The following DPYD variants were observed in gnomAD, a reference collection of about 807,000 sequenced individuals.
The protein encoded by DPYD is dihydropyrimidine dehydrogenase [NADP(+)].
Under a neutral mutation model 116.2 loss-of-function variants are expected in DPYD, and 109 were observed. The observed-to-expected ratio is 0.94, with a 90% CI of 0.80 to 1.10. DPYD has a LOEUF of 1.10. Ranked by LOEUF, DPYD falls within the 50% of genes least tolerant of loss-of-function variation. DPYD has a pLI of 0.00. For missense variants in DPYD, 1,302 were observed against 1,254.5 expected (o/e 1.04, Z -0.57); for synonymous variants, 440 against 432.0 (o/e 1.02, Z -0.23).
At chr1:97,516,887 G>C (rs1026650392) in intron 12 of DPYD, among the ~76,000 whole-genome samples, 2 of 151,954 alleles carry the variant, frequency 1.3e-5, no homozygotes, top group Non-Finnish European at 2.9e-5. Flanking sequence ...AATATAAAAA[G>C]GATGAATTTT....
At chr1:97,710,695 C>A (rs1038857080) in intron 5 of DPYD, among the ~76,000 whole-genome samples, 1 of 151,260 alleles carries the variant, frequency 6.6e-6, no homozygotes, top group African/African-American at 2.4e-5. Flanking sequence ...TGTTTAGGTA[C>A]CTCCTATGTC....
intron 8 of DPYD, among the ~76,000 whole-genome samples, chr1:97,641,570 CAAT>C (rs1227868937): frequency 1.3e-5 from 2 of 152,092 alleles, no homozygotes; most frequent in Non-Finnish European, 2.9e-5. Context: ...TAAAAACTCT[CAAT>C]AACCTAGGTA....
intron 16 of DPYD, among the ~76,000 whole-genome samples, chr1:97,308,014 C>A (rs928257087): frequency 2.0e-5 from 3 of 151,824 alleles, no homozygotes; most frequent in Admixed American, 6.6e-5. Context: ...ATAAGAATTA[C>A]TGAAACAAAT....
chr1:97,912,756 C>A lies in DPYD; in HGVS notation c.39+8128G>T, dbSNP rs186905618. On this transcript the variant is annotated intron_variant, in intron 1 of 22. Transcript: ENST00000370192. ...GAACATTTTGTGGTGAACGGTAACA[C>A]ACGTTACCCCTAGAGATCTGTAAGG... 1.2e-3 allele frequency among the ~76,000 whole-genome samples: 185 copies of A among 152,164 alleles called. No homozygotes were observed. In the Middle Eastern group the frequency reaches 0.024, roughly 20 times the overall value.
At chr1:97,751,429 CGTGTGTGT>C (rs564067118) in intron 3 of DPYD, among the ~76,000 whole-genome samples, 90 of 53,044 alleles carry the variant, frequency 1.7e-3, no homozygotes, top group African/African-American at 6.5e-3. Flanking sequence ...TATATGTATA[CGTGTGTGT>C]GTGTGTGTGT....
At chr1:97,398,654 G>A (rs1439736140) in intron 14 of DPYD, among the ~76,000 whole-genome samples, 1 of 152,130 alleles carries the variant, frequency 6.6e-6, no homozygotes, top group Admixed American at 6.5e-5. Flanking sequence ...GGTGTGAGAT[G>A]GTATCTCATT....
chr1:97,226,232 G>C (rs1465201349), intron 19 of DPYD, among the ~76,000 whole-genome samples: 1 of 152,064 alleles, frequency 6.6e-6, no homozygotes, highest in East Asian at 1.9e-4. Context: ...TACAGGGAAT[G>C]TACTTCAGTA....
intron 8 of DPYD, among the ~76,000 whole-genome samples, chr1:97,633,454 A>G (rs1657389224): frequency 6.6e-6 from 1 of 152,098 alleles, no homozygotes. Flanking sequence ...ACTTTATTTT[A>G]AAATGGGAAC....
At chr1:97,203,563 G>C (rs191061253) in intron 19 of DPYD, among the ~76,000 whole-genome samples, 1,581 of 148,824 alleles carry the variant, frequency 0.011, 29 homozygotes, top group African/African-American at 0.037. Flanking sequence ...CACCAGCATG[G>C]CACATGTATA....
At chr1:97,281,334 G>A (rs1403650712) in intron 18 of DPYD, among the ~76,000 whole-genome samples, 1 of 151,746 alleles carries the variant, frequency 6.6e-6, no homozygotes, top group African/African-American at 2.4e-5. Flanking sequence ...AATCCAGGTT[G>A]TGAAAACCAG....
intron 3 of DPYD, among the ~76,000 whole-genome samples, chr1:97,826,086 C>A (rs1669231435): frequency 6.6e-6 from 1 of 152,078 alleles, no homozygotes. Flanking sequence ...ACATTTCATG[C>A]CATAAAATTA....
chr1:97,227,985 T>C (rs1008671825), intron 19 of DPYD, among the ~76,000 whole-genome samples: 13 of 151,980 alleles, frequency 8.6e-5, no homozygotes, highest in Middle Eastern at 3.2e-3. Context: ...TTTACAACCA[T>C]CATTTTTTAA....
chr1:97,582,444 G>A (rs1389131341), intron 10 of DPYD, among the ~76,000 whole-genome samples: 3 of 152,120 alleles, frequency 2.0e-5, no homozygotes, highest in Admixed American at 6.5e-5. Context: ...CATGAAGGAG[G>A]GTAAAGGAAG....
chr1:97,117,717 A>G (rs1202048042), intron 20 of DPYD, among the ~76,000 whole-genome samples: 1 of 152,196 alleles, frequency 6.6e-6, no homozygotes, highest in Non-Finnish European at 1.5e-5. Flanking sequence ...TTAGTATTAA[A>G]GTTGGTCAAG....
intron 5 of DPYD, chr1:97,720,984 C>A (rs372210515): frequency 1.9e-6 from 3 of 1,582,484 alleles, no homozygotes; most frequent in East Asian, 2.3e-5. Flanking sequence ...CATTTTTTAC[C>A]CAAATAAAAG....
intron 16 of DPYD, chr1:97,322,564 C>G (rs1014720284): frequency 6.6e-6 from 1 of 151,976 alleles, no homozygotes; most frequent in Non-Finnish European, 1.5e-5. Context: ...TTCATGGATA[C>G]TGGATTTTAT....
At chr1:97,724,303 G>GTGTGTGTGT (rs1663100761) in intron 4 of DPYD, among the ~76,000 whole-genome samples, 1 of 14,450 alleles carries the variant, frequency 6.9e-5, no homozygotes, top group African/African-American at 2.8e-4. Flanking sequence ...TGGGGGGGGG[G>GTGTGTGTGT]GGGGGTGTGT....
At chr1:97,464,110 G>A (rs1444391362) in intron 13 of DPYD, among the ~76,000 whole-genome samples, 1 of 151,812 alleles carries the variant, frequency 6.6e-6, no homozygotes. Flanking sequence ...GTAGTGGTAG[G>A]TGCCTGTAAT....
intron 1 of DPYD, chr1:97,883,739 G>A: frequency 2.8e-6 from 1 of 360,542 alleles, no homozygotes; most frequent in South Asian, 2.3e-5. Flanking sequence ...GAGCCACCAT[G>A]TCTGGTAGCA....
Sources: allele counts gnomAD v4.1 joint callset (sites outside exome capture counted in the v4.1 genomes callset), GRCh38; gene constraint gnomAD v4.1.1; transcripts MANE v1.5; gene names NCBI Gene and HGNC (gene_info 2026-07-23, HGNC 2026-07-21).